Variants in TMEM150C observed in about 807,000 individuals in gnomAD.
The protein encoded by TMEM150C is tentonin 3.
In TMEM150C, 10 loss-of-function variants were observed where a neutral mutation model predicts 29.9. The observed-to-expected ratio is 0.33, with a 90% CI of 0.21 to 0.57. The LOEUF is 0.57. TMEM150C is among the 20% of genes least tolerant of loss of function. TMEM150C has a pLI of 0.88. For missense variants in TMEM150C, 251 were observed against 303.6 expected (o/e 0.83, Z 1.29); for synonymous variants, 101 against 112.5 (o/e 0.90, Z 0.64).
At chr4:82,548,129 A>G (rs1463923074) in intron 1 of TMEM150C, among the ~76,000 whole-genome samples, 2 of 152,244 alleles carry the variant, frequency 1.3e-5, no homozygotes, top group African/African-American at 2.4e-5. Context: ...GTACGTTCTC[A>G]TAAGTGGGAG....
At chr4:82,528,646 T>C (rs1454781468) in intron 1 of TMEM150C, among the ~76,000 whole-genome samples, 1 of 150,208 alleles carries the variant, frequency 6.7e-6, no homozygotes, top group Non-Finnish European at 1.5e-5. Context: ...TCACCGAGGC[T>C]GGAGTGCAGT....
intron 1 of TMEM150C, among the ~76,000 whole-genome samples, chr4:82,539,531 C>T (rs1247264281): frequency 1.3e-5 from 2 of 151,886 alleles, no homozygotes; most frequent in African/African-American, 2.4e-5. Context: ...CGGCTCACTG[C>T]AAGCTCCGCC....
intron 6 of TMEM150C, 79 bp from the exon 7 acceptor site, chr4:82,490,317 G>A: frequency 1.6e-6 from 2 of 1,260,190 alleles, no homozygotes; most frequent in Middle Eastern, 2.2e-4. Context: ...GAATATATGA[G>A]GGGAAAAGAT....
chr4:82,532,167 T>A (rs1209147711), intron 1 of TMEM150C, among the ~76,000 whole-genome samples: 1 of 152,090 alleles, frequency 6.6e-6, no homozygotes, highest in Non-Finnish European at 1.5e-5. Flanking sequence ...GAAAAGAGAG[T>A]ATGAATAAGA....
At chr4:82,511,542 A>G (rs1293762272) in intron 1 of TMEM150C, among the ~76,000 whole-genome samples, 1 of 135,876 alleles carries the variant, frequency 7.4e-6, no homozygotes, top group African/African-American at 2.9e-5. Context: ...TGGCATGATC[A>G]TGGCTCACTG....
intron 6 of TMEM150C, chr4:82,495,420 G>A (rs1265649584): frequency 6.9e-6 from 2 of 289,068 alleles, no homozygotes; most frequent in African/African-American, 2.3e-5. Context: ...AAACCTGGGC[G>A]ACAGAGCGAG....
intron 1 of TMEM150C, among the ~76,000 whole-genome samples, chr4:82,543,355 C>G (rs899498264): frequency 1.3e-5 from 2 of 152,158 alleles, no homozygotes; most frequent in African/African-American, 2.4e-5. Context: ...ACAAGTATAT[C>G]CACATTTTAC....
intron 1 of TMEM150C, among the ~76,000 whole-genome samples, chr4:82,521,719 G>A (rs1724491416): frequency 6.6e-6 from 1 of 152,216 alleles, no homozygotes; most frequent in South Asian, 2.1e-4. Flanking sequence ...GTGATGCAGA[G>A]GGGATGACAC....
chr4:82,516,193 G>C (rs2110076253), intron 1 of TMEM150C, among the ~76,000 whole-genome samples: 1 of 152,240 alleles, frequency 6.6e-6, no homozygotes, highest in South Asian at 2.1e-4. Flanking sequence ...GTGGCTAATG[G>C]TAGAACACGA....
chr4:82,503,215 C>A (rs1723793164), intron 2 of TMEM150C, 103 bp from the exon 3 acceptor site: 6 of 814,532 alleles, frequency 7.4e-6, no homozygotes, highest in Non-Finnish European at 3.9e-6. Context: ...TTCATTTTTT[C>A]TAACTGAGAA....
intron 6 of TMEM150C, among the ~76,000 whole-genome samples, chr4:82,493,223 T>A (rs1197302390): frequency 6.6e-6 from 1 of 152,006 alleles, no homozygotes; most frequent in Non-Finnish European, 1.5e-5. Flanking sequence ...GATTTTTGCC[T>A]CTTTTTTGGA....
At chr4:82,496,506 G>A (rs1723562522) in intron 5 of TMEM150C, among the ~76,000 whole-genome samples, 1 of 152,234 alleles carries the variant, frequency 6.6e-6, no homozygotes, top group Admixed American at 6.5e-5. Flanking sequence ...TTACTTGGGT[G>A]AGGCAAGGAT....
chr4:82,548,021 C>T (rs1170723333), intron 1 of TMEM150C, among the ~76,000 whole-genome samples: 1 of 152,146 alleles, frequency 6.6e-6, no homozygotes, highest in Non-Finnish European at 1.5e-5. Context: ...ACTATACAGC[C>T]ATAAAAAAGA....
rs4693447 is a variant in TMEM150C at position 82,490,048 on chromosome 4, G to A, written c.541+13C>T. On this transcript the variant is annotated intron_variant, in intron 7 of 7. Transcript: ENST00000449862. ...CTTACTGGCAAAAGAAGCTTTTCAC[G>A]TTCAAAGGATACAGAGGACCACACA... The A allele has an allele frequency of 0.058, 92,618 of 1,609,792 alleles. 8,016 individuals carry two copies. Among genetic ancestry groups the A allele is most frequent in the Admixed American group, 0.32 (18,804 of 59,566 alleles).
At chr4:82,500,163 A>T (rs1182165351) in intron 5 of TMEM150C, among the ~76,000 whole-genome samples, 1 of 152,252 alleles carries the variant, frequency 6.6e-6, no homozygotes. Flanking sequence ...TCAATCTTTG[A>T]TTAGTCTGTC....
intron 6 of TMEM150C, chr4:82,490,802 A>G: frequency 2.1e-6 from 1 of 483,806 alleles, no homozygotes; most frequent in Non-Finnish European, 3.8e-6. Context: ...TTTTAAGTAC[A>G]GAAAACTCAA....
At chr4:82,520,155 T>C (rs1247383106) in intron 1 of TMEM150C, among the ~76,000 whole-genome samples, 2 of 152,208 alleles carry the variant, frequency 1.3e-5, no homozygotes, top group Non-Finnish European at 2.9e-5. Flanking sequence ...GTGAATTATA[T>C]AGACATGCAA....
chr4:82,535,230 G>A (rs141834213), intron 1 of TMEM150C, among the ~76,000 whole-genome samples: 2 of 152,186 alleles, frequency 1.3e-5, no homozygotes, highest in African/African-American at 4.8e-5. Flanking sequence ...CATGATCAAG[G>A]GGTTGCATCT....
chr4:82,490,049 T>G lies in TMEM150C; in HGVS notation c.541+12A>C. On this transcript the variant is annotated intron_variant, in intron 7 of 7. Transcript: ENST00000449862. ...TTACTGGCAAAAGAAGCTTTTCACG[T>G]TCAAAGGATACAGAGGACCACACAG... 1 of 1,610,480 alleles carries G rather than the reference T, an allele frequency of 6.2e-7. No homozygotes were observed. The highest frequency in any genetic ancestry group is 1.3e-5 in the African/African-American group (1 of 74,912).
Sources: allele counts gnomAD v4.1 joint callset (sites outside exome capture counted in the v4.1 genomes callset), GRCh38; gene constraint gnomAD v4.1.1; transcripts MANE v1.5; gene names NCBI Gene and HGNC (gene_info 2026-07-23, HGNC 2026-07-21).